The following PCDH15 variants were observed in gnomAD, a reference collection of about 807,000 sequenced individuals.
PCDH15 encodes the protein protocadherin related 15.
PCDH15 carries 129 observed loss-of-function variants against 178.5 expected under a neutral mutation model. That is an observed-to-expected ratio of 0.72 (90% CI 0.63 to 0.84). PCDH15 has a LOEUF of 0.84. Among genes scored for constraint, PCDH15 ranks in the 40% least tolerant of loss-of-function variants. PCDH15 has a pLI of 0.00. For synonymous variants in PCDH15, 800 were observed against 732.0 expected (o/e 1.09, Z -1.50); for missense variants, 2,230 against 2,099.9 (o/e 1.06, Z -1.21).
intron 32 of PCDH15, chr10:53,825,122 T>TA: frequency 6.5e-7 from 1 of 1,539,278 alleles, no homozygotes. Context: ...ATTAGAGTGA[T>TA]ATTATTTACT....
At chr10:54,851,144 A>T (rs1461324763) in intron 3 of PCDH15, among the ~76,000 whole-genome samples, 1 of 152,160 alleles carries the variant, frequency 6.6e-6, no homozygotes, top group East Asian at 1.9e-4. Context: ...AAGGATCAAA[A>T]ATTAAGTAGG....
At chr10:55,430,346 A>G (rs1838853527) in intron 2 of PCDH15, among the ~76,000 whole-genome samples, 1 of 152,272 alleles carries the variant, frequency 6.6e-6, no homozygotes, top group East Asian at 1.9e-4. Context: ...AGGAAATAAG[A>G]AATATCTGGA....
chr10:53,930,295 A>G (rs1348716694), intron 25 of PCDH15, among the ~76,000 whole-genome samples: 1 of 151,698 alleles, frequency 6.6e-6, no homozygotes, highest in Non-Finnish European at 1.5e-5. Context: ...CGTCTCTACT[A>G]CAAATAAAAA....
intron 2 of PCDH15, among the ~76,000 whole-genome samples, chr10:55,452,594 CT>C (rs1276041732): frequency 6.6e-6 from 1 of 152,028 alleles, no homozygotes; most frequent in Non-Finnish European, 1.5e-5. Context: ...ATATTTTGTT[CT>C]TTTATGGTGT....
intron 3 of PCDH15, among the ~76,000 whole-genome samples, chr10:54,872,548 AT>A (rs1167089255): frequency 2.6e-5 from 4 of 152,074 alleles, no homozygotes; most frequent in African/African-American, 9.7e-5. Context: ...TTTGCTCAGG[AT>A]TATTTCTGAC....
At chr10:54,803,125 A>T (rs1189325235), upstream of PCDH15, among the ~76,000 whole-genome samples, 2 of 152,170 alleles carry the variant, frequency 1.3e-5, no homozygotes, top group Non-Finnish European at 2.9e-5. Flanking sequence ...TTTTCTTTGA[A>T]AAAAGTGTTG....
intron 2 of PCDH15, among the ~76,000 whole-genome samples, chr10:55,495,134 T>A (rs1382902829): frequency 6.6e-6 from 1 of 151,742 alleles, no homozygotes; most frequent in African/African-American, 2.4e-5. Context: ...ATGTATGAGT[T>A]AAAACCACAA....
At chr10:53,822,064 T>G in intron 32 of PCDH15, 1 of 1,614,078 alleles carries the variant, frequency 6.2e-7, no homozygotes, top group South Asian at 1.1e-5. Context: ...TCTGCTAAGT[T>G]TTTAACGTGT....
chr10:54,941,054 T>A (rs1461859316), intron 2 of PCDH15, among the ~76,000 whole-genome samples: 2 of 152,144 alleles, frequency 1.3e-5, no homozygotes, highest in Non-Finnish European at 2.9e-5. Flanking sequence ...CCATTTTATT[T>A]TTGTGTTTTC....
chr10:54,875,490 T>C (rs1564593251), intron 3 of PCDH15, among the ~76,000 whole-genome samples: 1 of 152,044 alleles, frequency 6.6e-6, no homozygotes, highest in African/African-American at 2.4e-5. Context: ...AAAGACAAAA[T>C]AGGACAAAAT....
intron 8 of PCDH15, among the ~76,000 whole-genome samples, chr10:54,314,679 T>A (rs2061131762): frequency 6.6e-6 from 1 of 152,056 alleles, no homozygotes; most frequent in African/African-American, 2.4e-5. Flanking sequence ...TGCTCCTCTG[T>A]CTCCTCCTAC....
At chr10:54,216,418 C>T (rs2052074718) in intron 9 of PCDH15, among the ~76,000 whole-genome samples, 3 of 152,266 alleles carry the variant, frequency 2.0e-5, no homozygotes, top group East Asian at 3.9e-4. Context: ...GATTGTGCCA[C>T]TGCACTCCAG....
intron 15 of PCDH15, among the ~76,000 whole-genome samples, chr10:54,127,915 C>T (rs1186694493): frequency 6.6e-6 from 1 of 152,096 alleles, no homozygotes; most frequent in African/African-American, 2.4e-5. Context: ...ATGCCTTACT[C>T]ATTATTTTTA....
At chr10:54,753,821 T>A (rs1348661660) in intron 1 of PCDH15, among the ~76,000 whole-genome samples, 2 of 151,754 alleles carry the variant, frequency 1.3e-5, no homozygotes, top group East Asian at 3.9e-4. Context: ...AAATCTGGAA[T>A]GTAATCTGAA....
chr10:54,426,942 A>G lies in PCDH15; in HGVS notation c.158-48000T>C, dbSNP rs976668909. Among the ~76,000 whole-genome samples, 6 of 151,964 alleles carry G rather than the reference A, an allele frequency of 3.9e-5. 1 individual carries two copies. Among genetic ancestry groups the G allele is most frequent in the African/African-American group, 1.4e-4 (6 of 41,420 alleles). ...AGAATAGCAAAAGCAATATTTGTTG[A>G]GTATTTAAAAGTGCCAGGCACTGTG... On this transcript the variant is annotated intron_variant, in intron 3 of 37. Transcript: ENST00000644397.
intron 2 of PCDH15, among the ~76,000 whole-genome samples, chr10:55,155,266 C>G (rs1213867437): frequency 2.6e-5 from 4 of 151,666 alleles, no homozygotes; most frequent in South Asian, 4.2e-4. Flanking sequence ...ACAGGTTTTT[C>G]TCTCTGTTTA....
chr10:54,423,239 T>C (rs1234254810), intron 3 of PCDH15, among the ~76,000 whole-genome samples: 2 of 152,140 alleles, frequency 1.3e-5, no homozygotes, highest in African/African-American at 4.8e-5. Flanking sequence ...CTAGGAGATA[T>C]TGCAATAATT....
At chr10:53,808,328 G>GTATATATATATATATATATA (rs780455021) in intron 37 of PCDH15, 5 of 309,870 alleles carry the variant, frequency 1.6e-5, no homozygotes, top group African/African-American at 1.3e-4. Context: ...TAGTGTGTGT[G>GTATATATATATATATATATA]TGTATATATA....
At position 54,979,486 on chromosome 10, in the gene PCDH15, C is replaced by T. The variant is rs556117283; in HGVS notation, c.-79-81986G>A. 5.9e-5 allele frequency among the ~76,000 whole-genome samples: 9 copies of T among 151,954 alleles called. No homozygotes were observed. In the East Asian group the frequency reaches 7.8e-4, roughly 13 times the overall value. On this transcript the variant is annotated intron_variant, in intron 2 of 5. Transcript: ENST00000458638. Reference sequence around the variant, plus strand: ...GAGTTCAAGACCAGCCTGGCCAACACAGCAAAGCCCCATCTCTTCTAAATA... The same window carrying T: ...GAGTTCAAGACCAGCCTGGCCAACATAGCAAAGCCCCATCTCTTCTAAATA...
Sources: allele counts gnomAD v4.1 joint callset (sites outside exome capture counted in the v4.1 genomes callset), GRCh38; gene constraint gnomAD v4.1.1; transcripts MANE v1.5; gene names NCBI Gene and HGNC (gene_info 2026-07-23, HGNC 2026-07-21).